The following CIB1 variants were observed in gnomAD, a reference collection of about 807,000 sequenced individuals.
The protein encoded by CIB1 is calcium and integrin binding 1.
Under a neutral mutation model 25.0 loss-of-function variants are expected in CIB1, and 19 were observed. The observed-to-expected ratio is 0.76, with a 90% CI of 0.53 to 1.12. CIB1 has a LOEUF of 1.12. Among genes scored for constraint, CIB1 ranks in the 50% most tolerant of loss-of-function variants. The pLI is 0.00. For missense variants in CIB1, 236 were observed against 242.6 expected, an observed-to-expected ratio of 0.97 and a Z score of 0.18; for synonymous variants, 104 against 98.5, an observed-to-expected ratio of 1.06 and a Z score of -0.33.
the CIB1 span, chr15:90,265,723 C>T: frequency 2.7e-5 from 43 of 1,613,222 alleles, no homozygotes; most frequent in African/African-American, 1.1e-4. Flanking sequence ...ATGGCGGTTA[C>T]CCTGAGTCTC....
At position 90,230,919 on chromosome 15, in the gene CIB1, G is replaced by T; in HGVS notation, c.554+15C>A. The T allele has an allele frequency of 6.2e-7, 1 of 1,607,886 alleles. No individual in the cohort carries two copies. The highest frequency in any genetic ancestry group is 8.5e-7 in the Non-Finnish European group (1 of 1,174,604). Reference sequence around the variant, plus strand: ...ACCTGCAGGTACCCAGAATGAAGGGGGACCACTGTCATACCTGGCAAAGTC... The same window carrying T: ...ACCTGCAGGTACCCAGAATGAAGGGTGACCACTGTCATACCTGGCAAAGTC... On this transcript the variant is annotated intron_variant, in intron 6 of 6. Transcript: ENST00000328649.
At chr15:90,250,538 G>A in the CIB1 span, 1 of 1,462,662 alleles carries the variant, frequency 6.8e-7, no homozygotes, top group Non-Finnish European at 9.2e-7. Flanking sequence ...AGGTCGTTCT[G>A]GTGGATTCCT....
At chr15:90,234,121 C>A (rs985921755), upstream of CIB1, 4 of 356,950 alleles carry the variant, frequency 1.1e-5, no homozygotes, top group African/African-American at 6.4e-5. Context: ...AGGGGCCCGA[C>A]GCTCCGGGGC....
intron 3 of CIB1, 112 bp from the exon 4 acceptor site, chr15:90,231,619 G>T (rs1236602696): frequency 2.4e-6 from 3 of 1,273,830 alleles, no homozygotes; most frequent in Non-Finnish European, 3.3e-6. Flanking sequence ...AGCCTCGTGG[G>T]GGTGAACAGT....
chr15:90,231,090 C>T lies in CIB1; in HGVS notation c.465+5G>A. 4 of 1,614,094 alleles carry T rather than the reference C, an allele frequency of 2.5e-6. No homozygotes were observed. The highest frequency in any genetic ancestry group is 1.3e-5 in the African/African-American group (1 of 75,066). ...TCCCGCTCCCAGGCCTGCTCAGCTGCTCACGTTGTCGATGAGCTGCTTCAT... is the reference window on the plus strand; with the variant it reads ...TCCCGCTCCCAGGCCTGCTCAGCTGTTCACGTTGTCGATGAGCTGCTTCAT... On this transcript the variant is annotated splice_donor_5th_base_variant and intron_variant, in intron 5 of 6. Transcript: ENST00000328649.
chr15:90,257,762 T>C, the CIB1 span: 2 of 1,590,932 alleles, frequency 1.3e-6, no homozygotes, highest in South Asian at 1.1e-5. Context: ...CTCTGCCCCT[T>C]AGCCCCACAG....
the CIB1 span, chr15:90,242,927 T>C: frequency 9.9e-5 from 15 of 152,230 alleles, no homozygotes; most frequent in African/African-American, 3.1e-4. Flanking sequence ...GGGGAGCTGA[T>C]AGTGGTCTCT....
the CIB1 span, among the ~76,000 whole-genome samples, chr15:90,256,646 T>C: frequency 1.4e-5 from 2 of 138,472 alleles, no homozygotes; most frequent in African/African-American, 2.6e-5. Flanking sequence ...TCCTTCTTTC[T>C]TTCTCCCTTT....
intron 2 of CIB1, among the ~76,000 whole-genome samples, chr15:90,232,830 CGG>C (rs1962532011): frequency 4.9e-5 from 2 of 40,922 alleles, no homozygotes; most frequent in South Asian, 1.6e-3. Context: ...CACTTGAACC[CGG>C]AGGCAGGAGA....
upstream of CIB1, among the ~76,000 whole-genome samples, chr15:90,237,125 A>AT (rs1163713613): frequency 1.3e-5 from 2 of 149,024 alleles, no homozygotes; most frequent in South Asian, 2.1e-4. Context: ...CACCTGGCTA[A>AT]TTTTTTTGTA....
At chr15:90,263,092 A>G in the CIB1 span, 5 of 1,535,878 alleles carry the variant, frequency 3.3e-6, no homozygotes, top group African/African-American at 6.8e-5. Context: ...AGAGCAGCTC[A>G]CCCGTCTGCA....
At chr15:90,232,550 G>T in intron 2 of CIB1, 2 of 540,100 alleles carry the variant, frequency 3.7e-6, no homozygotes, top group Non-Finnish European at 5.8e-6. Flanking sequence ...TTTACTATGT[G>T]CTTGGCACTG....
Position 90,231,526 on chromosome 15 carries a change from C to G in CIB1, c.196-19G>C. ...GGTTGGCCTAGGAGAACAAACGCCA[C>G]AGGACGTGGCCCAGGTCACACGCTC... On this transcript the variant is annotated intron_variant, in intron 3 of 6. Coordinates refer to ENST00000328649, the MANE Select transcript of CIB1 (RefSeq NM_006384.4). The G allele has an allele frequency of 6.2e-7, 1 of 1,611,730 alleles. No individual in the cohort carries two copies. Among genetic ancestry groups the G allele is most frequent in the Non-Finnish European group, 8.5e-7 (1 of 1,178,822 alleles).
At chr15:90,246,737 G>A in the CIB1 span, among the ~76,000 whole-genome samples, 2 of 131,720 alleles carry the variant, frequency 1.5e-5, no homozygotes, top group African/African-American at 5.5e-5. Context: ...GCAGTGACCC[G>A]AGATTGAGCC....
the CIB1 span, among the ~76,000 whole-genome samples, chr15:90,260,500 A>G: frequency 6.6e-6 from 1 of 151,982 alleles, no homozygotes. Context: ...TTGTTTCAAA[A>G]AATTAAATTA....
the CIB1 span, chr15:90,251,607 C>A: frequency 1.2e-6 from 2 of 1,613,454 alleles, no homozygotes; most frequent in Non-Finnish European, 1.7e-6. Context: ...AAGCACCCAG[C>A]CCGTCGCTCA....
At chr15:90,243,966 CAG>C in the CIB1 span, 3 of 144,868 alleles carry the variant, frequency 2.1e-5, no homozygotes, top group South Asian at 2.2e-4. Flanking sequence ...TTTCTTGAAT[CAG>C]AGTTTCACTC....
chr15:90,258,970 T>G, the CIB1 span: 2 of 1,613,592 alleles, frequency 1.2e-6, no homozygotes, highest in Non-Finnish European at 1.7e-6. Context: ...TCATTATTCC[T>G]GAGAGTAAAA....
the CIB1 span, among the ~76,000 whole-genome samples, chr15:90,252,577 G>C: frequency 6.6e-6 from 1 of 152,186 alleles, no homozygotes; most frequent in East Asian, 1.9e-4. Flanking sequence ...ACAATCTCCA[G>C]CTAGGTCCTT....
Sources: gnomAD v4.1 joint callset for allele counts (sites outside exome capture counted in the v4.1 genomes callset) on GRCh38, gnomAD v4.1.1 for gene constraint, MANE v1.5 for transcripts, NCBI Gene and HGNC (gene_info 2026-07-23, HGNC 2026-07-21) for gene names.